COL11A1: variants seen among roughly 807,000 people sequenced by gnomAD.
The protein encoded by COL11A1 is collagen type XI alpha 1 chain.
In COL11A1, 74 loss-of-function variants were observed where a neutral mutation model predicts 265.2. The observed-to-expected ratio is 0.28, with a 90% confidence interval of 0.23 to 0.34. The LOEUF (loss-of-function observed/expected upper bound fraction) is 0.34. Ranked by LOEUF, COL11A1 falls within the 10% of genes least tolerant of loss-of-function variation. The pLI, the probability that COL11A1 is intolerant of heterozygous loss-of-function variation, is 1.00. For missense variants in COL11A1, 2,165 were observed against 2,263.6 expected (o/e 0.96, Z 0.88); for synonymous variants, 816 against 727.6 (o/e 1.12, Z -1.96).
At chr1:102,982,049 T>A (rs1386380360) in intron 31 of COL11A1, among the ~76,000 whole-genome samples, 6 of 151,898 alleles carry the variant, frequency 4.0e-5, no homozygotes, top group African/African-American at 1.2e-4. Flanking sequence ...ATGTCCCAGT[T>A]TTTCATTTTT....
rs1039139558 is a variant in COL11A1, at chr1:103,008,579, C to T, written c.1630-63G>A. 12 of 1,219,464 alleles carry T rather than the reference C, an allele frequency of 9.8e-6. No individual in the cohort carries two copies. In the African/African-American group the frequency reaches 1.2e-4, roughly 12 times the overall value. The allele number at this position is 1,219,464 out of a possible 1,614,324, so 75.5% of individuals were successfully genotyped here. ...CAATTTCCTAACTACTTTTATCCTG[C>T]CAATTGCACCTGAAATAATTAAACA... On this transcript the variant is annotated intron_variant, in intron 14 of 66. Coordinates refer to ENST00000370096, the MANE Select transcript of COL11A1 (RefSeq NM_001854.4).
At chr1:102,946,409 C>T (rs61812694) in intron 42 of COL11A1, among the ~76,000 whole-genome samples, 2 of 151,968 alleles carry the variant, frequency 1.3e-5, no homozygotes, top group East Asian at 1.9e-4. Flanking sequence ...CACTCACTGG[C>T]GATCGGAGCT....
chr1:102,878,236 G>C, intron 66 of COL11A1, 71 bp from the exon 67 acceptor site: 1 of 1,399,380 alleles, frequency 7.1e-7, no homozygotes. Context: ...ATTTTTTCTT[G>C]GGCTTCTGAG....
intron 38 of COL11A1, among the ~76,000 whole-genome samples, chr1:102,963,990 T>A (rs1053422420): frequency 6.6e-6 from 1 of 152,196 alleles, no homozygotes; most frequent in South Asian, 2.1e-4. Context: ...ACATTTAAAA[T>A]AGGCTGTTGG....
At chr1:103,037,770 A>G (rs1451621906) in intron 4 of COL11A1, among the ~76,000 whole-genome samples, 3 of 152,162 alleles carry the variant, frequency 2.0e-5, no homozygotes, top group African/African-American at 7.2e-5. Context: ...AACTTTTAAT[A>G]TTAACATTTA....
intron 12 of COL11A1, 125 bp from the exon 13 acceptor site, chr1:103,014,719 T>C (rs1666420117): frequency 3.9e-6 from 3 of 768,500 alleles, no homozygotes; most frequent in Non-Finnish European, 6.8e-6. Context: ...ACAAAGTAAC[T>C]CCGTAATGAA....
chr1:102,987,888 A>AG, intron 29 of COL11A1, 148 bp from the exon 30 acceptor site: 1 of 688,792 alleles, frequency 1.5e-6, no homozygotes, highest in Non-Finnish European at 2.6e-6. Flanking sequence ...GTTCCTGGGC[A>AG]TGGAGCAAGC....
intron 57 of COL11A1, among the ~76,000 whole-genome samples, chr1:102,896,226 A>G (rs868381853): frequency 1.5e-4 from 21 of 143,460 alleles, no homozygotes; most frequent in South Asian, 1.4e-3. Flanking sequence ...AAAAAAAAAA[A>G]GGTAATGTTC....
chr1:102,960,289 A>T (rs1660770042), intron 41 of COL11A1, among the ~76,000 whole-genome samples: 1 of 152,172 alleles, frequency 6.6e-6, no homozygotes, highest in Non-Finnish European at 1.5e-5. Flanking sequence ...AAGTAATGCT[A>T]TATAAAATTT....
chr1:102,994,140 T>C (rs972640427), intron 28 of COL11A1, among the ~76,000 whole-genome samples: 1 of 152,198 alleles, frequency 6.6e-6, no homozygotes, highest in Non-Finnish European at 1.5e-5. Context: ...CCTATTGGTA[T>C]CAAATCCACA....
chr1:103,008,737 A>G (rs1418245359), intron 14 of COL11A1, among the ~76,000 whole-genome samples: 1 of 152,210 alleles, frequency 6.6e-6, no homozygotes, highest in Non-Finnish European at 1.5e-5. Context: ...AAAGGTCTAT[A>G]TTTTATGTAG....
chr1:103,082,740 T>C, intron 2 of COL11A1, 65 bp downstream of exon 2: 3 of 1,361,288 alleles, frequency 2.2e-6, no homozygotes, highest in East Asian at 2.5e-5. Flanking sequence ...AAAGTAGTTT[T>C]AGTAGTAACA....
intron 63 of COL11A1, among the ~76,000 whole-genome samples, chr1:102,885,212 A>G (rs1650815623): frequency 6.6e-6 from 1 of 152,104 alleles, no homozygotes; most frequent in Non-Finnish European, 1.5e-5. Flanking sequence ...GAAGGCGCCT[A>G]TGTTATGTTG....
intron 6 of COL11A1, 135 bp from the exon 7 acceptor site, chr1:103,025,748 A>G: frequency 1.9e-6 from 3 of 1,603,406 alleles, no homozygotes. Flanking sequence ...ATTCATGATC[A>G]GAGATCTTCC....
intron 1 of COL11A1, among the ~76,000 whole-genome samples, chr1:103,096,125 T>C (rs943653462): frequency 2.0e-5 from 3 of 151,670 alleles, no homozygotes; most frequent in African/African-American, 7.3e-5. Context: ...TACAGAAAAA[T>C]TGAGAGGAAG....
chr1:103,040,200 T>C (rs1668697595), intron 4 of COL11A1, among the ~76,000 whole-genome samples: 1 of 151,566 alleles, frequency 6.6e-6, no homozygotes, highest in Non-Finnish European at 1.5e-5. Flanking sequence ...ATGTCGACAA[T>C]AGAAAACAAA....
At chr1:103,078,268 G>T (rs6577349) in intron 3 of COL11A1, among the ~76,000 whole-genome samples, 23,148 of 151,918 alleles carry the variant, frequency 0.15, 1,891 homozygotes, top group Non-Finnish European at 0.16. Flanking sequence ...AGACTGTATT[G>T]GCTTCCTGCT....
chr1:102,914,559 T>G, intron 51 of COL11A1, 145 bp downstream of exon 51: 7 of 969,404 alleles, frequency 7.2e-6, no homozygotes, highest in Non-Finnish European at 9.5e-6. Context: ...TTAATTCAAT[T>G]GAGAATGCTT....
At chr1:103,089,032 C>T (rs1436420960) in intron 1 of COL11A1, among the ~76,000 whole-genome samples, 1 of 152,094 alleles carries the variant, frequency 6.6e-6, no homozygotes, top group East Asian at 1.9e-4. Flanking sequence ...TAAAATGTAC[C>T]TTGCTGTCTT....
Sources: gnomAD v4.1 joint callset for allele counts (sites outside exome capture counted in the v4.1 genomes callset) on GRCh38, gnomAD v4.1.1 for gene constraint, MANE v1.5 for transcripts, NCBI Gene and HGNC (gene_info 2026-07-23, HGNC 2026-07-21) for gene names.